The following MDGA2 variants were observed in gnomAD, a reference collection of about 807,000 sequenced individuals.
MDGA2 encodes the protein MAM domain containing glycosylphosphatidylinositol anchor 2, also known as MAM domain-containing glycosylphosphatidylinositol anchor protein 2.
In MDGA2, 40 loss-of-function variants were observed where a neutral mutation model predicts 117.8. That is an observed-to-expected ratio of 0.34 (90% CI 0.26 to 0.44). MDGA2 has a LOEUF of 0.44. MDGA2 is among the 20% of genes least tolerant of loss of function. The pLI, the probability that MDGA2 is intolerant of heterozygous loss-of-function variation, is 1.00. For synonymous variants in MDGA2, 452 were observed against 439.0 expected (o/e 1.03, Z -0.37); for missense variants, 1,123 against 1,250.6 (o/e 0.90, Z 1.54).
intron 1 of MDGA2, among the ~76,000 whole-genome samples, chr14:47,544,670 C>T (rs1895423791): frequency 6.6e-6 from 1 of 152,096 alleles, no homozygotes; most frequent in Non-Finnish European, 1.5e-5. Context: ...GGTTAATGAC[C>T]TGTGAAGTGC....
At chr14:47,291,345 C>T (rs149615118) in intron 2 of MDGA2, among the ~76,000 whole-genome samples, 19 of 152,236 alleles carry the variant, frequency 1.2e-4, no homozygotes, top group Non-Finnish European at 2.1e-4. Flanking sequence ...TACCACCTTC[C>T]GTTATGCACA....
chr14:47,260,812 G>A (rs193019308), intron 2 of MDGA2, among the ~76,000 whole-genome samples: 2 of 152,096 alleles, frequency 1.3e-5, no homozygotes, highest in African/African-American at 4.8e-5. Flanking sequence ...GGATACCTTT[G>A]TAATATGTAT....
chr14:47,657,639 T>C (rs1314946461), intron 1 of MDGA2, among the ~76,000 whole-genome samples: 1 of 152,140 alleles, frequency 6.6e-6, no homozygotes, highest in East Asian at 1.9e-4. Flanking sequence ...CAGTGCCCCA[T>C]AAAACACATC....
intron 1 of MDGA2, among the ~76,000 whole-genome samples, chr14:47,583,942 G>A (rs1010794407): frequency 4.5e-4 from 69 of 151,806 alleles, no homozygotes; most frequent in African/African-American, 7.5e-4. Flanking sequence ...GTGCTAATGC[G>A]TAAACTGAGG....
intron 1 of MDGA2, among the ~76,000 whole-genome samples, chr14:47,574,877 G>T (rs149934939): frequency 6.6e-6 from 1 of 152,166 alleles, no homozygotes; most frequent in Non-Finnish European, 1.5e-5. Context: ...TCTGGCCCCA[G>T]AGTCTGTGCT....
At chr14:46,995,536 A>C (rs1432379001) in intron 8 of MDGA2, among the ~76,000 whole-genome samples, 2 of 152,156 alleles carry the variant, frequency 1.3e-5, no homozygotes, top group Non-Finnish European at 2.9e-5. Flanking sequence ...AATGTGTTTA[A>C]ACTATTTCAT....
At chr14:47,537,722 G>A (rs1895253622) in intron 1 of MDGA2, among the ~76,000 whole-genome samples, 1 of 151,420 alleles carries the variant, frequency 6.6e-6, no homozygotes, top group Non-Finnish European at 1.5e-5. Context: ...GTTTACACTG[G>A]AACTGATCCA....
chr14:47,272,913 T>C (rs533656553), intron 2 of MDGA2, among the ~76,000 whole-genome samples: 2 of 152,240 alleles, frequency 1.3e-5, no homozygotes, highest in South Asian at 4.2e-4. Context: ...TTGGTTACTA[T>C]AAAAAAATAC....
At chr14:47,399,799 T>G in intron 1 of MDGA2, among the ~76,000 whole-genome samples, 1 of 152,090 alleles carries the variant, frequency 6.6e-6, no homozygotes, top group South Asian at 2.1e-4. Context: ...ATGGTAATTA[T>G]CAAATTTAGG....
At chr14:47,072,091 T>G in intron 6 of MDGA2, among the ~76,000 whole-genome samples, 1 of 76,500 alleles carries the variant, frequency 1.3e-5, no homozygotes, top group South Asian at 5.0e-4. Context: ...GTTTGTTGGT[T>G]GTTGTTGTTT....
intron 1 of MDGA2, among the ~76,000 whole-genome samples, chr14:47,483,351 A>G (rs1893992720): frequency 6.6e-6 from 1 of 152,118 alleles, no homozygotes; most frequent in African/African-American, 2.4e-5. Flanking sequence ...AGAAACTTTG[A>G]TGAGCAAGAG....
At chr14:47,636,492 T>C (rs949493402) in intron 1 of MDGA2, among the ~76,000 whole-genome samples, 3 of 151,974 alleles carry the variant, frequency 2.0e-5, no homozygotes, top group African/African-American at 7.2e-5. Context: ...CATTAATAAA[T>C]GCTTGAGTGG....
intron 3 of MDGA2, among the ~76,000 whole-genome samples, chr14:47,178,135 A>AT (rs1884551031): frequency 6.6e-6 from 1 of 152,032 alleles, no homozygotes; most frequent in African/African-American, 2.4e-5. Flanking sequence ...CTCCATTTTG[A>AT]TAAAAAAAAA....
chr14:47,358,158 CAG>C (rs1175769322), intron 1 of MDGA2, among the ~76,000 whole-genome samples: 1 of 152,170 alleles, frequency 6.6e-6, no homozygotes, highest in Non-Finnish European at 1.5e-5. Flanking sequence ...AAACCTCACC[CAG>C]AGAGGTGTCT....
intron 8 of MDGA2, among the ~76,000 whole-genome samples, chr14:46,999,615 A>C (rs541613767): frequency 3.3e-5 from 5 of 152,244 alleles, no homozygotes; most frequent in African/African-American, 1.2e-4. Flanking sequence ...ACATGAATCC[A>C]TCATTATTTA....
intron 1 of MDGA2, among the ~76,000 whole-genome samples, chr14:47,647,276 A>G (rs1315238487): frequency 6.6e-6 from 1 of 152,160 alleles, no homozygotes; most frequent in Non-Finnish European, 1.5e-5. Flanking sequence ...TATTAATTGC[A>G]ACATGTTATA....
chr14:47,057,396 C>T (rs1431161823), intron 7 of MDGA2, among the ~76,000 whole-genome samples: 1 of 151,782 alleles, frequency 6.6e-6, no homozygotes, highest in East Asian at 1.9e-4. Context: ...CCTATTTGTA[C>T]TATCACCATA....
At chr14:47,554,913 C>A (rs938737479) in intron 1 of MDGA2, among the ~76,000 whole-genome samples, 1 of 152,132 alleles carries the variant, frequency 6.6e-6, no homozygotes, top group Non-Finnish European at 1.5e-5. Flanking sequence ...CCATATTTCT[C>A]TTTTCTAATT....
intron 5 of MDGA2, among the ~76,000 whole-genome samples, chr14:47,097,529 ATTAT>A (rs1476057234): frequency 6.6e-6 from 1 of 151,982 alleles, no homozygotes; most frequent in Non-Finnish European, 1.5e-5. Flanking sequence ...AAGATGGTTA[ATTAT>A]TTATTTTTTG....
Sources: gnomAD v4.1 joint callset for allele counts (sites outside exome capture counted in the v4.1 genomes callset) on GRCh38, gnomAD v4.1.1 for gene constraint, MANE v1.5 for transcripts, NCBI Gene and HGNC (gene_info 2026-07-23, HGNC 2026-07-21) for gene names.